FAM133B: variants seen among roughly 807,000 people sequenced by gnomAD.
FAM133B encodes family with sequence similarity 133 member B.
A neutral mutation model predicts 46.4 loss-of-function variants in FAM133B; 25 were observed. The ratio of observed to expected loss-of-function variants is 0.54; its 90% CI spans 0.39 to 0.75. The LOEUF (loss-of-function observed/expected upper bound fraction) is 0.75. Ranked by LOEUF, FAM133B falls within the 30% of genes least tolerant of loss-of-function variation. FAM133B has a pLI of 0.00. For missense variants in FAM133B, 205 were observed against 277.6 expected, an observed-to-expected ratio of 0.74 and a Z score of 1.86; for synonymous variants, 75 against 86.0, an observed-to-expected ratio of 0.87 and a Z score of 0.71.
intron 8 of FAM133B, among the ~76,000 whole-genome samples, chr7:92,573,861 T>A (rs1377630617): frequency 1.3e-5 from 2 of 152,012 alleles, no homozygotes; most frequent in Non-Finnish European, 2.9e-5. Context: ...TTTTTAAGTG[T>A]CTTTTTAAAT....
intron 8 of FAM133B, among the ~76,000 whole-genome samples, chr7:92,573,926 T>C (rs189954105): frequency 2.2e-4 from 34 of 152,220 alleles, no homozygotes; most frequent in Non-Finnish European, 3.2e-4. Flanking sequence ...TCTCCCAGGA[T>C]AAAGTGTAGT....
intron 8 of FAM133B, 37 bp from the exon 9 acceptor site, chr7:92,569,952 T>G (rs765193859): frequency 1.1e-6 from 1 of 950,874 alleles, no homozygotes; most frequent in South Asian, 2.8e-5. Flanking sequence ...GACTCAGACA[T>G]ACTTTGTCAC....
intron 10 of FAM133B, among the ~76,000 whole-genome samples, chr7:92,564,187 T>C (rs1376497669): frequency 6.6e-6 from 1 of 152,222 alleles, no homozygotes; most frequent in Non-Finnish European, 1.5e-5. Flanking sequence ...TATAGGTCTC[T>C]AAGAGCTCTT....
intron 2 of FAM133B, among the ~76,000 whole-genome samples, chr7:92,579,692 G>A (rs946476580): frequency 1.3e-5 from 2 of 152,182 alleles, no homozygotes; most frequent in Middle Eastern, 3.4e-3. Context: ...TCCTCACAAC[G>A]ACCCTCTGAG....
At position 92,566,076 on chromosome 7, in the gene FAM133B, T is replaced by G; in HGVS notation, c.610-15A>C. ...TTTGCTCGCACCTAGAAAGTTTAAA[T>G]TTTTGTGGAGAACAGAAGACAAACA... On this transcript the variant is annotated splice_polypyrimidine_tract_variant and intron_variant, in intron 9 of 10. Transcript: ENST00000445716. 6.2e-7 allele frequency: 1 copy of G among 1,613,006 alleles called. No homozygotes were observed. The highest frequency in any genetic ancestry group is 1.1e-5 in the South Asian group (1 of 91,018).
At chr7:92,585,453 C>G in intron 1 of FAM133B, 1 of 687,320 alleles carries the variant, frequency 1.5e-6, no homozygotes, top group Non-Finnish European at 1.8e-6. Flanking sequence ...CCAAAGAGTG[C>G]AAATATACAC....
chr7:92,570,058 G>T, intron 8 of FAM133B, 143 bp from the exon 9 acceptor site: 1 of 399,232 alleles, frequency 2.5e-6, no homozygotes. Flanking sequence ...CATTTACCAG[G>T]ATTTAAGTCT....
chr7:92,579,271 A>G (rs1324776715), intron 3 of FAM133B, 46 bp downstream of exon 3: 1 of 1,528,462 alleles, frequency 6.5e-7, no homozygotes, highest in African/African-American at 1.4e-5. Context: ...GAGCCACCAT[A>G]ACTGGCCAAA....
intron 1 of FAM133B, among the ~76,000 whole-genome samples, chr7:92,587,573 A>C (rs114580365): frequency 0.013 from 1,942 of 152,130 alleles, 47 homozygotes; most frequent in African/African-American, 0.045. Context: ...TCTACAAAAA[A>C]ACAACAAAAA....
intron 8 of FAM133B, among the ~76,000 whole-genome samples, chr7:92,575,388 G>C (rs1794663263): frequency 6.6e-6 from 1 of 152,080 alleles, no homozygotes; most frequent in Non-Finnish European, 1.5e-5. Context: ...CAGGAAAATC[G>C]CTTGAACCCA....
intron 8 of FAM133B, among the ~76,000 whole-genome samples, chr7:92,570,519 T>C (rs1794496625): frequency 6.6e-6 from 1 of 152,084 alleles, no homozygotes; most frequent in African/African-American, 2.4e-5. Context: ...CCAAAGCAAG[T>C]GTAACAAAAT....
rs572432899 is a variant in FAM133B, at chr7:92,590,348, C to G, written c.-57G>C. On this transcript the variant is annotated 5_prime_UTR_variant, in exon 1 of 11. Coordinates refer to ENST00000445716, the MANE Select transcript of FAM133B (RefSeq NM_152789.4). ...AGGGAAACCGGGCCGGAGAGACTGCCGAAGAGGGCCTGCCGCAGGTCCTCT... is the reference window on the plus strand; with the variant it reads ...AGGGAAACCGGGCCGGAGAGACTGCGGAAGAGGGCCTGCCGCAGGTCCTCT... 7 of 1,608,488 alleles carry G rather than the reference C, an allele frequency of 4.4e-6. No individual in the cohort carries two copies. Among genetic ancestry groups the G allele is most frequent in the African/African-American group, 4.0e-5 (3 of 74,900 alleles).
chr7:92,577,782 C>T (rs1009470333), intron 5 of FAM133B, 65 bp from the exon 6 acceptor site: 7 of 1,315,022 alleles, frequency 5.3e-6, no homozygotes, highest in Non-Finnish European at 7.4e-6. Flanking sequence ...TACAAAGTCT[C>T]TCAAATACTT....
At chr7:92,584,675 A>C (rs1051400243) in intron 1 of FAM133B, among the ~76,000 whole-genome samples, 6 of 152,250 alleles carry the variant, frequency 3.9e-5, no homozygotes, top group African/African-American at 1.4e-4. Flanking sequence ...TTATACCCTC[A>C]AATATTTCAT....
In FAM133B at chr7:92,582,139, C is replaced by T. The variant is rs953768407; in HGVS notation, c.25-536G>A. On this transcript the variant is annotated intron_variant, in intron 1 of 10. Transcript: ENST00000445716. Reference sequence around the variant, plus strand: ...TGGCACACGCCTGTAATCCTAGCTACTCGGGAGGTTGAGACAGGAGAATCA... The same window carrying T: ...TGGCACACGCCTGTAATCCTAGCTATTCGGGAGGTTGAGACAGGAGAATCA... Among the ~76,000 whole-genome samples the T allele has an allele frequency of 8.5e-5, 13 of 152,116 alleles. 1 individual carries two copies. Among genetic ancestry groups the T allele is most frequent in the Admixed American group, 5.2e-4 (8 of 15,262 alleles).
chr7:92,579,608 T>C (rs1335938786), intron 2 of FAM133B, among the ~76,000 whole-genome samples: 2 of 152,236 alleles, frequency 1.3e-5, no homozygotes, highest in Non-Finnish European at 2.9e-5. Flanking sequence ...TTTCTAAATA[T>C]GGATTATAAG....
At position 92,562,354 on chromosome 7, in the gene FAM133B, C is replaced by G; in HGVS notation, c.672G>C (p.Lys224Asn). 6.5e-7 allele frequency: 1 copy of G among 1,532,660 alleles called. No individual in the cohort carries two copies. The highest frequency in any genetic ancestry group is 1.4e-5 in the African/African-American group (1 of 72,746). 94.9% of individuals were successfully genotyped at this position (1,532,660 alleles called of 1,614,324 possible). The change falls in exon 11 of 11, where the codon AAG (lysine) becomes AAC (asparagine). Residue 224 changes from lysine (K) to asparagine (N), a missense_variant. Transcript: ENST00000445716. Reference protein sequence around the residue: ...EREKATEKTKKKKKHKKHSKK... With the variant: ...EREKATEKTKNKKKHKKHSKK... ...TACTGTGTTTCTTATGCTTCTTTTT[C>G]TTTTTTGTTTTTTCCTGTAAAGATA... is the stretch of plus-strand genomic sequence containing the variant.
chr7:92,571,969 A>G (rs969041028), intron 8 of FAM133B, among the ~76,000 whole-genome samples: 63 of 152,254 alleles, frequency 4.1e-4, no homozygotes, highest in African/African-American at 1.4e-3. Context: ...TATAAAGAGG[A>G]TATTTTCTAC....
intron 10 of FAM133B, among the ~76,000 whole-genome samples, chr7:92,565,154 T>C (rs970471212): frequency 4.0e-5 from 6 of 150,296 alleles, no homozygotes; most frequent in Admixed American, 6.6e-5. Flanking sequence ...TATTTCTTTT[T>C]TTTTTTTTTT....
Sources: allele counts gnomAD v4.1 joint callset (sites outside exome capture counted in the v4.1 genomes callset), GRCh38; gene constraint gnomAD v4.1.1; transcripts MANE v1.5; gene names NCBI Gene and HGNC (gene_info 2026-07-23, HGNC 2026-07-21).